Variants in DDX60L observed in about 807,000 individuals in gnomAD.
The protein encoded by DDX60L is probable ATP-dependent RNA helicase DDX60-like.
Under a neutral mutation model 211.6 loss-of-function variants are expected in DDX60L, and 191 were observed. The observed-to-expected ratio is 0.90, with a 90% CI of 0.80 to 1.02. DDX60L has a LOEUF of 1.02. Ranked by LOEUF, DDX60L falls within the 50% of genes least tolerant of loss-of-function variation. The probability of loss-of-function intolerance (pLI) is 0.00; values close to 1 mark genes in which losing one functional copy is unlikely to be tolerated. For synonymous variants in DDX60L, 706 were observed against 694.1 expected, an observed-to-expected ratio of 1.02 and a Z score of -0.27; for missense variants, 2,007 against 1,984.1, an observed-to-expected ratio of 1.01 and a Z score of -0.22.
In DDX60L at chr4:168,396,548, G is replaced by A. The variant is rs369366822; in HGVS notation, c.3492-424C>T. Among the ~76,000 whole-genome samples, 5 of 152,038 alleles carry A rather than the reference G, an allele frequency of 3.3e-5. 1 individual carries two copies. The highest frequency in any genetic ancestry group is 1.2e-4 in the African/African-American group (5 of 41,476). On this transcript the variant is annotated intron_variant, in intron 26 of 37. Coordinates refer to ENST00000682922, the MANE Select transcript of DDX60L (RefSeq NM_001012967.3). ...TGAAGAGGGTTCCAGAAAGAAAAGG[G>A]TAATTTAAATATCCATGCTGACAGC...
chr4:168,415,779 T>C lies in DDX60L; in HGVS notation c.2747A>G (p.Gln916Arg). Residue 916 changes from glutamine to arginine, a missense_variant, in exon 21 of 38, where the codon CAG (glutamine) becomes CGG (arginine). Transcript: ENST00000682922. ...LLTKWLQSVK[Q>R]YWKQADKIME... is the part of the protein sequence containing the mutation. ...AATCTTGTCTGCCTGTTTCCAGTAC[T>C]GTTTTACTGATTGCAGCCACCTTAC... 2 of 1,567,454 alleles carry C rather than the reference T, an allele frequency of 1.3e-6. No individual in the cohort carries two copies. The highest frequency in any genetic ancestry group is 1.7e-6 in the Non-Finnish European group (2 of 1,156,756).
chr4:168,462,458 T>C (rs965339162), intron 4 of DDX60L, among the ~76,000 whole-genome samples: 10 of 151,310 alleles, frequency 6.6e-5, no homozygotes, highest in Non-Finnish European at 1.5e-4. Context: ...TTTTCAAATT[T>C]ACAAGAGAAA....
chr4:168,441,439 T>C lies in DDX60L; in HGVS notation c.1192A>G (p.Asn398Asp), dbSNP rs751649099. 1.9e-6 allele frequency: 3 copies of C among 1,612,914 alleles called. No homozygotes were observed. Among genetic ancestry groups the C allele is most frequent in the Admixed American group, 3.3e-5 (2 of 59,830 alleles). The change falls in exon 10 of 38, where the codon AAT (asparagine) becomes GAT (aspartate). Residue 398 changes from asparagine to aspartate, a missense_variant. Physicochemically the swap from Asn to Asp is conservative, Grantham distance 23 (BLOSUM62 1). Coordinates refer to ENST00000682922, the MANE Select transcript of DDX60L (RefSeq NM_001012967.3). Reference protein sequence around the residue: ...SIRRDYEDLWNVVSHLVKEFN... With the variant: ...SIRRDYEDLWDVVSHLVKEFN... ...TCTTTAACCAGGTGTGACACAACAT[T>C]CCACAGGTCTTCATAATCCCTCCTA...
chr4:168,382,530 C>A (rs1247441361), intron 30 of DDX60L, among the ~76,000 whole-genome samples: 3 of 151,980 alleles, frequency 2.0e-5, no homozygotes, highest in Admixed American at 1.3e-4. Flanking sequence ...CTGTTTTCCT[C>A]ATTTTTATCT....
chr4:168,384,018 G>C (rs545947936), intron 30 of DDX60L, among the ~76,000 whole-genome samples: 4 of 152,222 alleles, frequency 2.6e-5, no homozygotes, highest in African/African-American at 9.6e-5. Context: ...AAATGAAAAG[G>C]CTAGACTGAC....
At chr4:168,390,456 C>G in intron 29 of DDX60L, 1 of 1,358,240 alleles carries the variant, frequency 7.4e-7, no homozygotes. Flanking sequence ...CCTAAAAGGT[C>G]ATGAAATGGA....
At chr4:168,462,652 A>G (rs1436436458) in intron 4 of DDX60L, among the ~76,000 whole-genome samples, 2 of 152,082 alleles carry the variant, frequency 1.3e-5, no homozygotes, top group African/African-American at 4.8e-5. Context: ...GTTTCTACTA[A>G]AAATACAAAA....
chr4:168,380,438 C>A, intron 30 of DDX60L: 1 of 152,556 alleles, frequency 6.6e-6, no homozygotes. Context: ...TCCCCTCTAC[C>A]TCTCTTCCTC....
intron 8 of DDX60L, among the ~76,000 whole-genome samples, chr4:168,450,763 A>G (rs984058038): frequency 6.6e-6 from 1 of 152,148 alleles, no homozygotes; most frequent in African/African-American, 2.4e-5. Context: ...AAAAAATAAA[A>G]TTAGCCAGGC....
At chr4:168,448,541 A>G in intron 9 of DDX60L, 97 bp downstream of exon 9, 2 of 948,016 alleles carry the variant, frequency 2.1e-6, no homozygotes, top group South Asian at 3.4e-5. Context: ...AAAGGTTTTC[A>G]AGAAACAAAA....
intron 1 of DDX60L, among the ~76,000 whole-genome samples, chr4:168,473,765 C>G (rs1420727205): frequency 6.6e-6 from 1 of 152,156 alleles, no homozygotes; most frequent in African/African-American, 2.4e-5. Context: ...TCTGGCCACT[C>G]CTGATCACTC....
intron 13 of DDX60L, among the ~76,000 whole-genome samples, chr4:168,429,331 C>A (rs2634970): frequency 1.3e-5 from 2 of 151,860 alleles, no homozygotes; most frequent in East Asian, 3.9e-4. Context: ...TTTTTAGAGG[C>A]GATAGGGTTT....
chr4:168,362,431 C>A (rs1579149935), intron 36 of DDX60L, among the ~76,000 whole-genome samples: 1 of 152,336 alleles, frequency 6.6e-6, no homozygotes, highest in Middle Eastern at 3.4e-3. Flanking sequence ...GACACTACTG[C>A]ACAGCTGGCT....
At chr4:168,368,950 T>C (rs1740466426) in intron 36 of DDX60L, among the ~76,000 whole-genome samples, 1 of 152,212 alleles carries the variant, frequency 6.6e-6, no homozygotes, top group Admixed American at 6.5e-5. Context: ...AACTTGCTTT[T>C]GATTTTACAG....
chr4:168,414,550 C>T (rs909070284), intron 22 of DDX60L, among the ~76,000 whole-genome samples: 12 of 152,080 alleles, frequency 7.9e-5, no homozygotes, highest in Non-Finnish European at 1.3e-4. Context: ...AAGAGGTATC[C>T]GGACTCTCAT....
At chr4:168,444,194 C>A (rs369802736) in intron 9 of DDX60L, among the ~76,000 whole-genome samples, 11 of 59,054 alleles carry the variant, frequency 1.9e-4, no homozygotes, top group African/African-American at 3.4e-4. Context: ...TCTACCAAGC[C>A]AATGGAAAAC....
intron 7 of DDX60L, among the ~76,000 whole-genome samples, chr4:168,454,904 T>C (rs1170348333): frequency 2.0e-5 from 3 of 151,724 alleles, no homozygotes; most frequent in African/African-American, 7.3e-5. Context: ...AGTGAAAATG[T>C]TGAGTTGGTG....
At chr4:168,474,906 G>A (rs1759274989) in intron 1 of DDX60L, among the ~76,000 whole-genome samples, 1 of 152,068 alleles carries the variant, frequency 6.6e-6, no homozygotes, top group Non-Finnish European at 1.5e-5. Flanking sequence ...GATTAAAAAG[G>A]TTCTCCAAAA....
At chr4:168,422,481 G>T in intron 16 of DDX60L, 43 bp downstream of exon 16, 1 of 1,565,546 alleles carries the variant, frequency 6.4e-7, no homozygotes, top group Non-Finnish European at 8.6e-7. Context: ...GAAAAGTTCT[G>T]AAGTCACACT....
Sources: gnomAD v4.1 joint callset for allele counts (sites outside exome capture counted in the v4.1 genomes callset) on GRCh38, gnomAD v4.1.1 for gene constraint, MANE v1.5 for transcripts, NCBI Gene and HGNC (gene_info 2026-07-23, HGNC 2026-07-21) for gene names.